ASTN2: variants seen among roughly 807,000 people sequenced by gnomAD.
ASTN2 encodes the protein astrotactin 2.
In ASTN2, 54 loss-of-function variants were observed where a neutral mutation model predicts 139.8. That is an observed-to-expected ratio of 0.39 (90% CI 0.31 to 0.48). ASTN2 has a LOEUF of 0.48. Ranked by LOEUF, ASTN2 falls within the 20% of genes least tolerant of loss-of-function variation. The pLI, the probability that ASTN2 is intolerant of heterozygous loss-of-function variation, is 0.95. For synonymous variants in ASTN2, 756 were observed against 719.5 expected (o/e 1.05, Z -0.81); for missense variants, 1,565 against 1,725.1 (o/e 0.91, Z 1.64).
intron 3 of ASTN2, among the ~76,000 whole-genome samples, chr9:117,175,237 T>C (rs1270527217): frequency 6.6e-6 from 1 of 152,120 alleles, no homozygotes; most frequent in Non-Finnish European, 1.5e-5. Context: ...AGAAATTAGA[T>C]ACAACTAAAA....
At chr9:117,078,000 C>T (rs997225960) in intron 5 of ASTN2, among the ~76,000 whole-genome samples, 3 of 152,196 alleles carry the variant, frequency 2.0e-5, no homozygotes, top group Non-Finnish European at 4.4e-5. Flanking sequence ...CTGTAATATG[C>T]ACCCTTCAAG....
chr9:116,599,919 T>C (rs1002593761), intron 19 of ASTN2, among the ~76,000 whole-genome samples: 1 of 152,112 alleles, frequency 6.6e-6, no homozygotes, highest in Non-Finnish European at 1.5e-5. Flanking sequence ...AGGTCAGCCA[T>C]CCGTCTAAGT....
chr9:116,762,965 A>T (rs555940629), intron 13 of ASTN2, among the ~76,000 whole-genome samples: 2 of 152,256 alleles, frequency 1.3e-5, no homozygotes, highest in Non-Finnish European at 2.9e-5. Flanking sequence ...ACTGAGGCTC[A>T]GAGAAATTGG....
At chr9:117,403,587 C>G (rs2130966090) in intron 1 of ASTN2, among the ~76,000 whole-genome samples, 1 of 152,202 alleles carries the variant, frequency 6.6e-6, no homozygotes, top group East Asian at 1.9e-4. Context: ...ATGATTCCCC[C>G]AAATGCAGCT....
chr9:116,484,327 GA>G (rs1246984382), intron 20 of ASTN2, among the ~76,000 whole-genome samples: 1 of 152,190 alleles, frequency 6.6e-6, no homozygotes. Context: ...TCCTTTTCCA[GA>G]GGTAGAAATT....
At chr9:116,832,990 T>C (rs1468571654) in intron 11 of ASTN2, among the ~76,000 whole-genome samples, 1 of 139,336 alleles carries the variant, frequency 7.2e-6, no homozygotes, top group African/African-American at 2.8e-5. Flanking sequence ...TATTCTTCTT[T>C]AAACATTTGG....
chr9:117,325,990 G>T (rs1272612412), intron 1 of ASTN2, among the ~76,000 whole-genome samples: 2 of 152,114 alleles, frequency 1.3e-5, no homozygotes, highest in African/African-American at 4.8e-5. Context: ...TTACCCTGAG[G>T]GAGGGGTGGG....
At chr9:116,603,249 G>C (rs73526191) in intron 19 of ASTN2, among the ~76,000 whole-genome samples, 3,127 of 152,270 alleles carry the variant, frequency 0.021, 106 homozygotes, top group African/African-American at 0.071. Context: ...GGAGAAAAAG[G>C]AATGCTACCA....
intron 10 of ASTN2, among the ~76,000 whole-genome samples, chr9:116,921,839 C>T (rs1241835469): frequency 6.6e-6 from 1 of 152,010 alleles, no homozygotes; most frequent in African/African-American, 2.4e-5. Flanking sequence ...GGGAAACCAC[C>T]CCCATTATCC....
In ASTN2 at chr9:116,464,736, T is replaced by A. The variant is rs141017777; in HGVS notation, c.3498-22183A>T. On this transcript the variant is annotated intron_variant, in intron 20 of 22. Coordinates refer to ENST00000313400, the MANE Select transcript of ASTN2 (RefSeq NM_001365068.1). ...CCTTTGTACTGGGCAATTTTGTTTC[T>A]GTTTTTTGTTTGTTTCCCATCTCTT... 4.8e-3 allele frequency among the ~76,000 whole-genome samples: 729 copies of A among 152,326 alleles called. 2 individuals carry two copies. The highest frequency in any genetic ancestry group is 0.015 in the African/African-American group (622 of 41,570).
intron 16 of ASTN2, chr9:116,686,783 C>T (rs1860241661): frequency 6.4e-7 from 1 of 1,550,652 alleles, no homozygotes; most frequent in Non-Finnish European, 8.7e-7. Flanking sequence ...GCAAAACATT[C>T]CTTTACAGAG....
intron 2 of ASTN2, chr9:117,276,935 G>A (rs1418127246): frequency 6.6e-6 from 1 of 152,196 alleles, no homozygotes; most frequent in Non-Finnish European, 1.5e-5. Context: ...TTAAAAATTA[G>A]CATGTTAAGG....
chr9:117,166,077 T>C lies in ASTN2; in HGVS notation c.1016-24599A>G, dbSNP rs112521339. ...ATTAGTAATTATATAAGACAGGTCTTAACTTAGTTAACTGGTTTTATGGTA... is the reference window on the plus strand; with the variant it reads ...ATTAGTAATTATATAAGACAGGTCTCAACTTAGTTAACTGGTTTTATGGTA... On this transcript the variant is annotated intron_variant, in intron 3 of 22. Transcript: ENST00000313400. 3.8e-3 allele frequency among the ~76,000 whole-genome samples: 575 copies of C among 152,232 alleles called. 3 individuals carry two copies. Among genetic ancestry groups the C allele is most frequent in the Non-Finnish European group, 4.4e-3 (300 of 67,986 alleles).
At chr9:116,499,634 C>T (rs141943797) in intron 19 of ASTN2, among the ~76,000 whole-genome samples, 2 of 152,154 alleles carry the variant, frequency 1.3e-5, no homozygotes, top group African/African-American at 4.8e-5. Context: ...CACCTGAGCC[C>T]TAGTGCCTAG....
chr9:116,719,359 T>C (rs998195041), intron 16 of ASTN2, among the ~76,000 whole-genome samples: 3 of 151,976 alleles, frequency 2.0e-5, no homozygotes, highest in African/African-American at 7.3e-5. Context: ...CACAGACAAA[T>C]GCAGCCAGGC....
At chr9:117,193,464 C>A (rs1831402165) in intron 3 of ASTN2, among the ~76,000 whole-genome samples, 1 of 151,582 alleles carries the variant, frequency 6.6e-6, no homozygotes, top group Admixed American at 6.6e-5. Flanking sequence ...ATGGTGAAAC[C>A]CTGTCTCTAC....
chr9:116,621,105 G>A (rs1302678904), intron 17 of ASTN2, among the ~76,000 whole-genome samples: 1 of 152,048 alleles, frequency 6.6e-6, no homozygotes, highest in Non-Finnish European at 1.5e-5. Flanking sequence ...GTGAATTCCT[G>A]TTTATATAAA....
chr9:116,530,767 T>G (rs1851308899), intron 19 of ASTN2, among the ~76,000 whole-genome samples: 2 of 152,180 alleles, frequency 1.3e-5, no homozygotes. Context: ...TCTCCTGATA[T>G]TCCTTTTTAT....
chr9:116,520,125 A>G (rs1226670676), intron 19 of ASTN2, among the ~76,000 whole-genome samples: 1 of 152,138 alleles, frequency 6.6e-6, no homozygotes, highest in Non-Finnish European at 1.5e-5. Context: ...CAAAAGATAA[A>G]GAGGGAATCC....
Sources: gnomAD v4.1 joint callset for allele counts (sites outside exome capture counted in the v4.1 genomes callset) on GRCh38, gnomAD v4.1.1 for gene constraint, MANE v1.5 for transcripts, NCBI Gene and HGNC (gene_info 2026-07-23, HGNC 2026-07-21) for gene names.